The following DAP variants were observed in gnomAD, a reference collection of about 807,000 sequenced individuals.
The protein encoded by DAP is death associated protein.
In DAP, 8 loss-of-function variants were observed where a neutral mutation model predicts 13.8. The observed-to-expected ratio is 0.58, with a 90% CI of 0.34 to 1.05. The LOEUF (loss-of-function observed/expected upper bound fraction) is 1.05. Among genes scored for constraint, DAP ranks in the 50% least tolerant of loss-of-function variants. The pLI, the probability that DAP is intolerant of heterozygous loss-of-function variation, is 0.03. For missense variants in DAP, 106 were observed against 133.2 expected (o/e 0.80, Z 1.01); for synonymous variants, 47 against 47.5 (o/e 0.99, Z 0.04).
At chr5:10,700,741 C>T (rs1468384318) in intron 2 of DAP, among the ~76,000 whole-genome samples, 1 of 152,218 alleles carries the variant, frequency 6.6e-6, no homozygotes, top group African/African-American at 2.4e-5. Flanking sequence ...GGCCTTGCTG[C>T]GGCAAGAGGG....
chr5:10,697,946 C>G (rs573485760), intron 2 of DAP, among the ~76,000 whole-genome samples: 62 of 152,266 alleles, frequency 4.1e-4, no homozygotes, highest in African/African-American at 1.4e-3. Context: ...AGTCACAGAG[C>G]TACGCATCTA....
rs758474315 is a variant in DAP, at chr5:10,761,051, T to C, written c.18A>G (p.Glu6=). Residue 6 remains glutamate (E), a synonymous_variant, in exon 1 of 4, where the codon GAA becomes GAG. Transcript: ENST00000230895. MSSPP[E]GKLETKAGHP... ...GTCCAGCTTTAGTCTCTAGTTTCCC[T>C]TCGGGAGGCGAAGACATGACGCGGC... 7 of 1,218,460 alleles carry C rather than the reference T, an allele frequency of 5.7e-6. No individual in the cohort carries two copies. The highest frequency in any genetic ancestry group is 6.2e-6 in the Non-Finnish European group (6 of 968,220). The allele number at this position is 1,218,460 out of a possible 1,614,324, so 75.5% of individuals were successfully genotyped here.
rs1488960561 is a variant in DAP, at chr5:10,707,600, T to C, written c.153-24029A>G. 6.8e-6 allele frequency among the ~76,000 whole-genome samples: 1 copy of C among 147,064 alleles called. No individual in the cohort carries two copies. Among genetic ancestry groups the C allele is most frequent in the South Asian group, 2.2e-4 (1 of 4,588 alleles). ...TGCACAGGCAGTGTGATGTGATTTG[T>C]GAGCAGTGTGGTGCACAGGCGGCGT... On this transcript the variant is annotated intron_variant, in intron 2 of 3. Coordinates refer to ENST00000230895, the MANE Select transcript of DAP (RefSeq NM_004394.3). This position sits in a 1 kb window ranked among gnomAD's most constrained non-coding sequence, Gnocchi z 4.0.
At chr5:10,736,480 G>A (rs1182012187) in intron 2 of DAP, among the ~76,000 whole-genome samples, 1 of 152,210 alleles carries the variant, frequency 6.6e-6, no homozygotes, top group Non-Finnish European at 1.5e-5. Context: ...TTGCACAGAT[G>A]TCATCCTGCA....
chr5:10,737,579 C>G (rs1739647995), intron 2 of DAP, among the ~76,000 whole-genome samples: 1 of 152,146 alleles, frequency 6.6e-6, no homozygotes, highest in African/African-American at 2.4e-5. Context: ...TTCAAACATG[C>G]AGATCATGGC....
At chr5:10,685,016 C>T (rs1044408707) in intron 2 of DAP, among the ~76,000 whole-genome samples, 1 of 152,350 alleles carries the variant, frequency 6.6e-6, no homozygotes, top group East Asian at 1.9e-4. Flanking sequence ...TGCTTCTCCT[C>T]TGCTGCCAGT....
At chr5:10,684,422 C>A (rs1479734249) in intron 2 of DAP, among the ~76,000 whole-genome samples, 3 of 152,168 alleles carry the variant, frequency 2.0e-5, no homozygotes, top group Non-Finnish European at 4.4e-5. Flanking sequence ...ACTGAGCTCA[C>A]CTAAACTGCC....
At chr5:10,732,491 A>G (rs1739490126) in intron 2 of DAP, among the ~76,000 whole-genome samples, 1 of 152,212 alleles carries the variant, frequency 6.6e-6, no homozygotes, top group African/African-American at 2.4e-5. Flanking sequence ...CAATGTTTTT[A>G]AAGTTCCTCC....
At chr5:10,690,662 T>C (rs1738285516) in intron 2 of DAP, among the ~76,000 whole-genome samples, 1 of 152,226 alleles carries the variant, frequency 6.6e-6, no homozygotes, top group African/African-American at 2.4e-5. Flanking sequence ...AACATTCCAC[T>C]GTACAGACAG....
chr5:10,751,442 T>C (rs1488770505), intron 1 of DAP, among the ~76,000 whole-genome samples: 4 of 152,206 alleles, frequency 2.6e-5, no homozygotes, highest in Non-Finnish European at 5.9e-5. Context: ...ATCTCAGAGT[T>C]ATGAATGTTT....
intron 1 of DAP, among the ~76,000 whole-genome samples, chr5:10,751,141 G>T (rs1184800859): frequency 6.6e-6 from 1 of 152,050 alleles, no homozygotes; most frequent in African/African-American, 2.4e-5. Flanking sequence ...ATCCAACCTT[G>T]GCTACTCCCT....
intron 2 of DAP, among the ~76,000 whole-genome samples, chr5:10,711,263 G>T (rs1354301071): frequency 6.6e-6 from 1 of 152,224 alleles, no homozygotes; most frequent in East Asian, 1.9e-4. Flanking sequence ...GTTGGTGGCT[G>T]AAGTCCGCTC....
At chr5:10,748,061 A>C (rs1432206467) in intron 2 of DAP, 114 bp downstream of exon 2, 2 of 743,700 alleles carry the variant, frequency 2.7e-6, no homozygotes, top group South Asian at 3.3e-5. Context: ...TACACAGAAC[A>C]GGGCCCCACA....
intron 1 of DAP, among the ~76,000 whole-genome samples, chr5:10,755,568 T>C (rs1221281286): frequency 6.6e-6 from 1 of 152,160 alleles, no homozygotes; most frequent in Non-Finnish European, 1.5e-5. Flanking sequence ...GCAAGGGGTG[T>C]CTGGGCCTCT....
At chr5:10,748,369 A>G in intron 1 of DAP, 98 bp from the exon 2 acceptor site, 1 of 894,148 alleles carries the variant, frequency 1.1e-6, no homozygotes, top group South Asian at 1.4e-5. Flanking sequence ...CAGTGGCCAC[A>G]AGTCAGTCTG....
intron 2 of DAP, among the ~76,000 whole-genome samples, chr5:10,704,862 T>C (rs750439733): frequency 1.3e-5 from 2 of 151,990 alleles, no homozygotes; most frequent in Non-Finnish European, 2.9e-5. Flanking sequence ...AGCTTAGAGG[T>C]AGACAGTCCC....
At chr5:10,725,908 T>C (rs1240339705) in intron 2 of DAP, among the ~76,000 whole-genome samples, 1 of 152,240 alleles carries the variant, frequency 6.6e-6, no homozygotes, top group East Asian at 1.9e-4. Context: ...CCTTGTAGGA[T>C]GTGAAGACTA....
intron 1 of DAP, among the ~76,000 whole-genome samples, chr5:10,750,184 T>C (rs1265365717): frequency 3.9e-5 from 6 of 152,136 alleles, no homozygotes; most frequent in African/African-American, 1.2e-4. Flanking sequence ...TCCTCTGGCA[T>C]TTTAAACTGA....
rs942894112 is a variant in DAP, at chr5:10,753,886, C to T, written c.56-5615G>A. Among the ~76,000 whole-genome samples the T allele has an allele frequency of 6.6e-5, 10 of 152,128 alleles. No individual in the cohort carries two copies. The South Asian group carries it at 1.7e-3, about 25-fold the overall frequency. On this transcript the variant is annotated intron_variant, in intron 1 of 3. Transcript: ENST00000230895. ...AAGCTCTTCTACCTAAAAGAAGTGACGAAAGGTTCTGAGGACTGTTCCAGT... is the reference window on the plus strand; with the variant it reads ...AAGCTCTTCTACCTAAAAGAAGTGATGAAAGGTTCTGAGGACTGTTCCAGT...
Sources: gnomAD v4.1 joint callset for allele counts (sites outside exome capture counted in the v4.1 genomes callset) on GRCh38, gnomAD v4.1.1 for gene constraint, Gnocchi (gnomAD v3.1) non-coding constraint, MANE v1.5 for transcripts, NCBI Gene and HGNC (gene_info 2026-07-23, HGNC 2026-07-21) for gene names.